GABRB2: variants seen among roughly 807,000 people sequenced by gnomAD.
The protein encoded by GABRB2 is gamma-aminobutyric acid type A receptor subunit beta2.
A neutral mutation model predicts 54.7 loss-of-function variants in GABRB2; 16 were observed. The observed-to-expected ratio is 0.29, with a 90% CI of 0.20 to 0.44. The LOEUF (loss-of-function observed/expected upper bound fraction) is 0.44, where lower values mean the gene tolerates loss of function less well. GABRB2 is among the 20% of genes least tolerant of loss of function. GABRB2 has a pLI of 1.00. For synonymous variants in GABRB2, 244 were observed against 233.8 expected (o/e 1.04, Z -0.40); for missense variants, 355 against 644.0 (o/e 0.55, Z 4.86).
At chr5:161,384,195 G>A (rs1755554873) in intron 5 of GABRB2, among the ~76,000 whole-genome samples, 1 of 152,142 alleles carries the variant, frequency 6.6e-6, no homozygotes, top group Non-Finnish European at 1.5e-5. Context: ...AAGATATGTG[G>A]TCAATTAATA....
Position 161,366,871 on chromosome 5 carries a change from C to T in GABRB2, c.542-30102G>A, listed in dbSNP as rs941458125. ...GCTAAGGCTGGTGAATCGCTTGAAC[C>T]TGGAAGGCAAAGGTTGCAGTAATCC... is the stretch of plus-strand genomic sequence containing the variant. On this transcript the variant is annotated intron_variant, in intron 5 of 9. Coordinates refer to ENST00000393959, the MANE Select transcript of GABRB2 (RefSeq NM_001371727.1). 5.3e-5 allele frequency among the ~76,000 whole-genome samples: 8 copies of T among 152,110 alleles called. No homozygotes were observed. The East Asian group carries it at 1.5e-3, about 29-fold the overall frequency.
At chr5:161,455,181 C>A (rs1030828289) in intron 4 of GABRB2, among the ~76,000 whole-genome samples, 2 of 152,186 alleles carry the variant, frequency 1.3e-5, no homozygotes, top group African/African-American at 4.8e-5. Flanking sequence ...AGACTTAGAG[C>A]TCTTGTGCAC....
chr5:161,523,769 C>A (rs933489890), intron 3 of GABRB2, among the ~76,000 whole-genome samples: 4 of 150,890 alleles, frequency 2.7e-5, no homozygotes, highest in Non-Finnish European at 6.0e-5. Flanking sequence ...TTGTCACCTC[C>A]ATTGCTACAC....
rs116944451 is a variant in GABRB2 at position 161,413,808 on chromosome 5, A to T, written c.459-2751T>A. ...AGGACAAGGGCATATATACAATTAAAAAAAGAGAGAGAGCCAAGTATAGAA... is the reference window on the plus strand; with the variant it reads ...AGGACAAGGGCATATATACAATTAATAAAAGAGAGAGAGCCAAGTATAGAA... On this transcript the variant is annotated intron_variant, in intron 4 of 9. Coordinates refer to ENST00000393959, the MANE Select transcript of GABRB2 (RefSeq NM_001371727.1). 1.6e-4 allele frequency among the ~76,000 whole-genome samples: 24 copies of T among 152,330 alleles called. No homozygotes were observed. In the East Asian group the frequency reaches 4.4e-3, roughly 28 times the overall value.
intron 3 of GABRB2, among the ~76,000 whole-genome samples, chr5:161,510,673 T>C (rs550224768): frequency 6.6e-6 from 1 of 152,066 alleles, no homozygotes; most frequent in African/African-American, 2.4e-5. Context: ...TCATTTCTTG[T>C]CACCCAGGCT....
intron 3 of GABRB2, among the ~76,000 whole-genome samples, chr5:161,541,429 T>C (rs1760812713): frequency 6.6e-6 from 1 of 152,246 alleles, no homozygotes; most frequent in African/African-American, 2.4e-5. Flanking sequence ...TCTTTAGCTA[T>C]GACAGTCTTA....
chr5:161,519,056 G>A (rs1425772683), intron 3 of GABRB2, among the ~76,000 whole-genome samples: 1 of 152,144 alleles, frequency 6.6e-6, no homozygotes, highest in South Asian at 2.1e-4. Flanking sequence ...AAGTGGTAAT[G>A]AACATGTTGA....
chr5:161,395,061 A>C (rs1203501259), intron 5 of GABRB2, among the ~76,000 whole-genome samples: 1 of 152,178 alleles, frequency 6.6e-6, no homozygotes, highest in African/African-American at 2.4e-5. Context: ...ATCATTAAAA[A>C]TTAAATAATA....
intron 9 of GABRB2, among the ~76,000 whole-genome samples, chr5:161,311,479 A>G (rs1757866993): frequency 6.6e-6 from 1 of 152,188 alleles, no homozygotes; most frequent in African/African-American, 2.4e-5. Flanking sequence ...AGTCACTGAA[A>G]TTTCTGGGTT....
At chr5:161,444,395 G>C (rs560380640) in intron 4 of GABRB2, among the ~76,000 whole-genome samples, 12 of 152,170 alleles carry the variant, frequency 7.9e-5, no homozygotes, top group Middle Eastern at 3.4e-3. Flanking sequence ...GAAAAGCACT[G>C]GCTCTCACTA....
intron 5 of GABRB2, among the ~76,000 whole-genome samples, chr5:161,406,456 A>T (rs1756351220): frequency 6.6e-6 from 1 of 152,014 alleles, no homozygotes; most frequent in African/African-American, 2.4e-5. Flanking sequence ...TACTAATCTC[A>T]TAATTAGTGC....
intron 7 of GABRB2, among the ~76,000 whole-genome samples, chr5:161,331,795 A>C (rs2113399227): frequency 6.6e-6 from 1 of 152,180 alleles, no homozygotes; most frequent in East Asian, 1.9e-4. Flanking sequence ...GCTTCAAGCA[A>C]GGGGGCAATT....
At chr5:161,302,733 C>A (rs1757573961) in intron 9 of GABRB2, among the ~76,000 whole-genome samples, 1 of 152,148 alleles carries the variant, frequency 6.6e-6, no homozygotes, top group Non-Finnish European at 1.5e-5. Context: ...GACTGTTAAT[C>A]CCCTGGGAAT....
chr5:161,341,921 C>T (rs1561614842), intron 5 of GABRB2, among the ~76,000 whole-genome samples: 1 of 116,604 alleles, frequency 8.6e-6, no homozygotes, highest in African/African-American at 3.6e-5. Flanking sequence ...ATTAATGCCA[C>T]TATTTATTTT....
chr5:161,544,778 T>C (rs879492210), intron 3 of GABRB2, among the ~76,000 whole-genome samples: 1 of 152,100 alleles, frequency 6.6e-6, no homozygotes, highest in Non-Finnish European at 1.5e-5. Context: ...ACAGTGATCT[T>C]TGAAAGCAAC....
chr5:161,372,685 C>A (rs1412749285), intron 5 of GABRB2, among the ~76,000 whole-genome samples: 1 of 152,166 alleles, frequency 6.6e-6, no homozygotes, highest in Non-Finnish European at 1.5e-5. Context: ...AATGCTTACT[C>A]TGTTCCAGAC....
intron 5 of GABRB2, among the ~76,000 whole-genome samples, chr5:161,382,389 G>A (rs1248878658): frequency 6.6e-6 from 1 of 152,116 alleles, no homozygotes; most frequent in African/African-American, 2.4e-5. Context: ...TCCTAGTGCA[G>A]AACAAATCCA....
chr5:161,314,091 A>G (rs1304839655), intron 9 of GABRB2, among the ~76,000 whole-genome samples: 1 of 152,210 alleles, frequency 6.6e-6, no homozygotes, highest in Non-Finnish European at 1.5e-5. Flanking sequence ...AGAGACCAAC[A>G]TTTTCCACTA....
intron 3 of GABRB2, among the ~76,000 whole-genome samples, chr5:161,487,839 G>A (rs1758974793): frequency 6.6e-6 from 1 of 151,870 alleles, no homozygotes; most frequent in South Asian, 2.1e-4. Context: ...CTCTCCCACT[G>A]CTGTGCTCCT....
Sources: allele counts gnomAD v4.1 joint callset (sites outside exome capture counted in the v4.1 genomes callset), GRCh38; gene constraint gnomAD v4.1.1; transcripts MANE v1.5; gene names NCBI Gene and HGNC (gene_info 2026-07-23, HGNC 2026-07-21).